The following UGT1A9 variants were observed in gnomAD, a reference collection of about 807,000 sequenced individuals.
UGT1A9 encodes the protein UDP glucuronosyltransferase family 1 member A9.
Under a neutral mutation model 45.0 loss-of-function variants are expected in UGT1A9, and 35 were observed. The observed-to-expected ratio is 0.78, with a 90% CI of 0.59 to 1.03. The LOEUF is 1.03. Among genes scored for constraint, UGT1A9 ranks in the 50% least tolerant of loss-of-function variants. UGT1A9 has a pLI of 0.00. For synonymous variants in UGT1A9, 278 were observed against 250.6 expected (o/e 1.11, Z -1.03); for missense variants, 687 against 666.6 (o/e 1.03, Z -0.34).
chr2:233,746,319 GA>G (rs1693359020), intron 1 of UGT1A9, among the ~76,000 whole-genome samples: 9 of 151,794 alleles, frequency 5.9e-5, no homozygotes, highest in Non-Finnish European at 1.0e-4. Context: ...CCCTGTAGAT[GA>G]TCTACAGGGC....
In UGT1A9 at chr2:233,672,769, C is replaced by T. The variant is rs144459337; in HGVS notation, c.835C>T (p.Gln279Ter). ...CTTCATTGGTGGTATCAACTGCCAT[C>T]AGGGAAAGCCGTTGCCTATGGTAAG... ...MIFIGGINCH[Q>*]GKPLPMEFEA... is the part of the protein sequence containing the mutation. The change falls in exon 1 of 5, where the codon CAG becomes TAG. Residue 279 changes from glutamine to a stop codon, truncating the protein, a stop_gained. Coordinates refer to ENST00000354728, the MANE Select transcript of UGT1A9 (RefSeq NM_021027.3). LOFTEE classifies it high-confidence loss of function. 3 of 1,613,536 alleles carry T rather than the reference C, an allele frequency of 1.9e-6. No homozygotes were observed. The highest frequency in any genetic ancestry group is 1.3e-5 in the African/African-American group (1 of 74,920).
chr2:233,768,039 G>T (rs1699553199), intron 3 of UGT1A9, 103 bp downstream of exon 3: 10 of 1,610,920 alleles, frequency 6.2e-6, no homozygotes, highest in Non-Finnish European at 8.5e-6. Flanking sequence ...AAATATTATG[G>T]CCAACATATC....
chr2:233,765,991 C>T (rs939830697), intron 1 of UGT1A9, among the ~76,000 whole-genome samples: 3 of 152,048 alleles, frequency 2.0e-5, no homozygotes, highest in Admixed American at 1.3e-4. Context: ...TCCTGAAGCT[C>T]CAGTGGGCGT....
At chr2:233,716,982 C>T (rs1450742007) in intron 1 of UGT1A9, among the ~76,000 whole-genome samples, 2 of 152,212 alleles carry the variant, frequency 1.3e-5, no homozygotes. Context: ...TCCCCACAGT[C>T]CTGCTGTCCT....
At chr2:233,758,038 C>G (rs1696781117) in intron 1 of UGT1A9, among the ~76,000 whole-genome samples, 1 of 152,188 alleles carries the variant, frequency 6.6e-6, no homozygotes, top group Admixed American at 6.5e-5. Flanking sequence ...CCCCTCCTTT[C>G]AGGCAAGGAC....
chr2:233,698,282 G>GA (rs528248105), intron 1 of UGT1A9, among the ~76,000 whole-genome samples: 1 of 151,926 alleles, frequency 6.6e-6, no homozygotes, highest in Non-Finnish European at 1.5e-5. Flanking sequence ...TCAACACTAT[G>GA]AAAAAAAATG....
chr2:233,734,966 G>A (rs1165220522), intron 1 of UGT1A9, among the ~76,000 whole-genome samples: 1 of 152,234 alleles, frequency 6.6e-6, no homozygotes, highest in Non-Finnish European at 1.5e-5. Flanking sequence ...AGTGTGATGT[G>A]GTGCTGAGAA....
chr2:233,748,002 G>T, intron 1 of UGT1A9: 1 of 1,613,500 alleles, frequency 6.2e-7, no homozygotes, highest in Non-Finnish European at 8.5e-7. Context: ...CTTTGTGATG[G>T]ATTACCCCAG....
intron 1 of UGT1A9, among the ~76,000 whole-genome samples, chr2:233,677,554 A>T (rs1326640817): frequency 1.3e-5 from 2 of 152,206 alleles, no homozygotes; most frequent in Admixed American, 6.5e-5. Context: ...AAATGTTATT[A>T]AAAAACGTAA....
At chr2:233,764,456 G>A (rs184552145) in intron 1 of UGT1A9, among the ~76,000 whole-genome samples, 34 of 152,210 alleles carry the variant, frequency 2.2e-4, no homozygotes, top group African/African-American at 7.9e-4. Context: ...TTAAACTTTC[G>A]TGATCTCCTG....
At chr2:233,710,235 C>T (rs1034132814) in intron 1 of UGT1A9, among the ~76,000 whole-genome samples, 2 of 152,122 alleles carry the variant, frequency 1.3e-5, no homozygotes, top group African/African-American at 2.4e-5. Flanking sequence ...TATGACTATT[C>T]GAGTACGAGT....
In UGT1A9 at chr2:233,769,631, G is replaced by A. The variant is rs1359038576; in HGVS notation, c.1295+1192G>A. 4 of 1,611,522 alleles carry A rather than the reference G, an allele frequency of 2.5e-6. No individual in the cohort carries two copies. Among genetic ancestry groups the A allele is most frequent in the African/African-American group, 1.3e-5 (1 of 74,932 alleles). ...ACACCAGCTTGAGCAAGGGACAACA[G>A]GGGAGGACTGATGACTGACTTCCCA... is the stretch of plus-strand genomic sequence containing the variant. On this transcript the variant is annotated intron_variant, in intron 4 of 4. Transcript: ENST00000354728. The surrounding 1 kb of genome is among the most constrained non-coding windows in gnomAD (Gnocchi z 4.4).
At position 233,769,420 on chromosome 2, in the gene UGT1A9, T is replaced by C; in HGVS notation, c.1295+981T>C. 1 of 1,459,970 alleles carries C rather than the reference T, an allele frequency of 6.8e-7. No homozygotes were observed. The highest frequency in any genetic ancestry group is 1.8e-4 in the Middle Eastern group (1 of 5,568). 90.4% of individuals were successfully genotyped at this position (1,459,970 alleles called of 1,614,324 possible). ...GCATATGTGCGTGTGCGTTTGTGCA[T>C]GTGGCTGTGCTCATGTGTGGGTGCA... is the stretch of plus-strand genomic sequence containing the variant. On this transcript the variant is annotated intron_variant, in intron 4 of 4. Coordinates refer to ENST00000354728, the MANE Select transcript of UGT1A9 (RefSeq NM_021027.3). This position sits in a 1 kb window ranked among gnomAD's most constrained non-coding sequence, Gnocchi z 4.4.
intron 1 of UGT1A9, among the ~76,000 whole-genome samples, chr2:233,702,022 CA>C (rs999993314): frequency 8.6e-5 from 13 of 150,360 alleles, no homozygotes; most frequent in Admixed American, 3.3e-4. Context: ...AATAGAGACA[CA>C]AAAAAAAACC....
chr2:233,754,865 T>C, intron 1 of UGT1A9: 1 of 1,351,074 alleles, frequency 7.4e-7, no homozygotes, highest in Non-Finnish European at 9.9e-7. Flanking sequence ...GTGCAGACCC[T>C]CTGCTTCTGC....
chr2:233,761,112 T>C (rs762490577), intron 1 of UGT1A9: 2 of 1,614,122 alleles, frequency 1.2e-6, no homozygotes, highest in Non-Finnish European at 1.7e-6. Flanking sequence ...TGGTTTTTGT[T>C]GGTGGAATCA....
At position 233,725,055 on chromosome 2, in the gene UGT1A9, C is replaced by T. The variant is rs1006940909; in HGVS notation, c.856-41979C>T. On this transcript the variant is annotated intron_variant, in intron 1 of 4. Transcript: ENST00000354728. ...CACCAAAACCAGTCAGGCGTGGCGG[C>T]GCGCGCCTGCAATCGCAGGCACTCG... is the stretch of plus-strand genomic sequence containing the variant. Among the ~76,000 whole-genome samples the T allele has an allele frequency of 2.2e-4, 33 of 147,502 alleles. 1 individual carries two copies. The highest frequency in any genetic ancestry group is 9.3e-4 in the South Asian group (4 of 4,294).
intron 1 of UGT1A9, chr2:233,748,105 C>A: frequency 6.2e-7 from 1 of 1,612,580 alleles, no homozygotes; most frequent in Admixed American, 1.7e-5. Context: ...TTCATCCAAT[C>A]AATGTTCCAG....
At chr2:233,725,311 C>A (rs57258852) in intron 1 of UGT1A9, among the ~76,000 whole-genome samples, 1 of 47,288 alleles carries the variant, frequency 2.1e-5, no homozygotes, top group Non-Finnish European at 3.9e-5. Flanking sequence ...GAGGCAGAGG[C>A]AGAGGCGCCT....
Sources: allele counts gnomAD v4.1 joint callset (sites outside exome capture counted in the v4.1 genomes callset), GRCh38; gene constraint gnomAD v4.1.1; non-coding constraint Gnocchi (gnomAD v3.1); transcripts MANE v1.5; gene names NCBI Gene and HGNC (gene_info 2026-07-23, HGNC 2026-07-21).